Variants in PPARGC1B observed in about 807,000 individuals in gnomAD.
PPARGC1B encodes the protein peroxisome proliferator-activated receptor gamma coactivator 1-beta.
Under a neutral mutation model 101.6 loss-of-function variants are expected in PPARGC1B, and 34 were observed. The ratio of observed to expected loss-of-function variants is 0.33; its 90% CI spans 0.25 to 0.45. The LOEUF (loss-of-function observed/expected upper bound fraction) is 0.45, where lower values mean the gene tolerates loss of function less well. PPARGC1B is among the 20% of genes least tolerant of loss of function. The pLI is 1.00. For synonymous variants in PPARGC1B, 548 were observed against 539.3 expected (o/e 1.02, Z -0.22); for missense variants, 1,234 against 1,317.6 (o/e 0.94, Z 0.98).
chr5:149,846,053 C>T lies in PPARGC1B; in HGVS notation c.2971+139C>T, dbSNP rs1759543375. The stretch of plus-strand genomic sequence containing the variant: ...CACCCCAGTGTGCTGCTTGGTATAA[C>T]TTTGCAGCCACTTTGCCTGAAGACT... On this transcript the variant is annotated intron_variant, in intron 11 of 11. Transcript: ENST00000309241. 4.0e-6 allele frequency: 4 copies of T among 994,200 alleles called. No homozygotes were observed. In the African/African-American group the frequency reaches 4.8e-5, roughly 12 times the overall value. 61.6% of individuals were successfully genotyped at this position (994,200 alleles called of 1,614,324 possible). A position where few individuals can be genotyped will look rare whatever the true frequency, so the allele number is the denominator to read the frequency against.
chr5:149,839,067 C>G (rs1004958733), intron 8 of PPARGC1B, among the ~76,000 whole-genome samples: 1 of 152,146 alleles, frequency 6.6e-6, no homozygotes, highest in Non-Finnish European at 1.5e-5. Flanking sequence ...ACAGGTGCAC[C>G]TGGAGGTATC....
chr5:149,857,295 C>T (rs1759980846), downstream of PPARGC1B, among the ~76,000 whole-genome samples: 1 of 152,222 alleles, frequency 6.6e-6, no homozygotes, highest in South Asian at 2.1e-4. Context: ...TCAGCTCAGT[C>T]TCATTTGGTG....
At chr5:149,750,484 A>G (rs868648435) in intron 1 of PPARGC1B, among the ~76,000 whole-genome samples, 2 of 127,718 alleles carry the variant, frequency 1.6e-5, no homozygotes, top group Admixed American at 7.7e-5. Flanking sequence ...ATATATATAT[A>G]TATATGTTAA....
intron 1 of PPARGC1B, among the ~76,000 whole-genome samples, chr5:149,754,313 GC>G (rs1755427987): frequency 6.6e-6 from 1 of 151,942 alleles, no homozygotes; most frequent in Admixed American, 6.6e-5. Flanking sequence ...CTTCTTGCGT[GC>G]CCCCCTCCCC....
intron 1 of PPARGC1B, among the ~76,000 whole-genome samples, chr5:149,761,098 C>A (rs942116403): frequency 1.1e-4 from 16 of 152,110 alleles, no homozygotes; most frequent in Admixed American, 4.6e-4. Flanking sequence ...CTTTTTCCAG[C>A]TTTATTGAGG....
At chr5:149,830,055 G>GAAAAAAAAAAAAAAAA (rs71587791) in intron 3 of PPARGC1B, among the ~76,000 whole-genome samples, 3 of 89,816 alleles carry the variant, frequency 3.3e-5, no homozygotes, top group African/African-American at 4.4e-5. Flanking sequence ...AAAAAAAAAA[G>GAAAAAAAAAAAAAAAA]AAAAAAAAAA....
intron 1 of PPARGC1B, among the ~76,000 whole-genome samples, chr5:149,748,533 G>T (rs1420688768): frequency 1.3e-5 from 2 of 152,124 alleles, no homozygotes; most frequent in Non-Finnish European, 2.9e-5. Context: ...AGCAAGCCTT[G>T]CTCCCTGCCC....
chr5:149,796,180 G>C (rs11958378), intron 1 of PPARGC1B, among the ~76,000 whole-genome samples: 3,086 of 152,272 alleles, frequency 0.02, 116 homozygotes, highest in African/African-American at 0.071. Context: ...TGACGGAGTA[G>C]GGAGGGTGGT....
At chr5:149,784,560 C>CTTTTTTTTTTTTTTTTTTTTTT (rs72364863) in intron 1 of PPARGC1B, among the ~76,000 whole-genome samples, 4 of 75,704 alleles carry the variant, frequency 5.3e-5, no homozygotes, top group Admixed American at 2.0e-4. Flanking sequence ...AACTGAGTTT[C>CTTTTTTTTTTTTTTTTTTTTTT]TTTTTTTTTT....
Position 149,851,169 on chromosome 5 carries a change from G to A in PPARGC1B, c.*3611G>A, listed in dbSNP as rs30883. 0.13 allele frequency: 19,467 copies of A among 152,242 alleles called. 1,419 individuals carry two copies. Among genetic ancestry groups the A allele is most frequent in the South Asian group, 0.22 (1,041 of 4,806 alleles). The allele number at this position is 152,242 out of a possible 1,614,324, so 9.4% of individuals were successfully genotyped here. On this transcript the variant is annotated 3_prime_UTR_variant, in exon 12 of 12. Coordinates refer to ENST00000309241, the MANE Select transcript of PPARGC1B (RefSeq NM_133263.4). ...GACCCAGTACTCAAGTTCTGACGTG[G>A]GAGGAGATGCAGTGAGACGTCTCTT...
chr5:149,769,077 C>T (rs1487982635), intron 1 of PPARGC1B, among the ~76,000 whole-genome samples: 2 of 152,230 alleles, frequency 1.3e-5, no homozygotes, highest in Non-Finnish European at 2.9e-5. Context: ...ATCACTGCCT[C>T]AGCTCCACCT....
At position 149,769,155 on chromosome 5, in the gene PPARGC1B, A is replaced by G. The variant is rs1756028514; in HGVS notation, c.78+38735A>G. On this transcript the variant is annotated intron_variant, in intron 1 of 11. Transcript: ENST00000309241. ...AGATCTCTTGCATGTGCAGTTCACA[A>G]TAGGGGTTGTGCTCCTATGAGAATC... Among the ~76,000 whole-genome samples the G allele has an allele frequency of 4.6e-5, 7 of 152,234 alleles. No individual in the cohort carries two copies. The South Asian group carries it at 1.4e-3, about 31-fold the overall frequency.
intron 1 of PPARGC1B, among the ~76,000 whole-genome samples, chr5:149,792,943 A>G (rs898425051): frequency 3.3e-5 from 5 of 151,764 alleles, no homozygotes; most frequent in Non-Finnish European, 7.4e-5. Flanking sequence ...GATCCCACAA[A>G]AGAAGTTTGT....
At chr5:149,796,120 A>G (rs1237212189) in intron 1 of PPARGC1B, among the ~76,000 whole-genome samples, 1 of 152,208 alleles carries the variant, frequency 6.6e-6, no homozygotes, top group African/African-American at 2.4e-5. Flanking sequence ...CATTTCAGAC[A>G]GTGATGTAGA....
intron 1 of PPARGC1B, among the ~76,000 whole-genome samples, chr5:149,818,398 G>A (rs1182885486): frequency 6.6e-6 from 1 of 152,174 alleles, no homozygotes; most frequent in Non-Finnish European, 1.5e-5. Flanking sequence ...TGGTGGGCAG[G>A]GTGGTGGGGC....
intron 1 of PPARGC1B, among the ~76,000 whole-genome samples, chr5:149,770,260 C>A (rs1051000291): frequency 7.9e-5 from 12 of 152,164 alleles, no homozygotes; most frequent in African/African-American, 2.9e-4. Context: ...AGTCTGGAAG[C>A]CTTCCTCTCT....
intron 2 of PPARGC1B, 147 bp downstream of exon 2, chr5:149,820,753 G>T: frequency 1.3e-6 from 1 of 789,944 alleles, no homozygotes. Flanking sequence ...CCGGTTTCTC[G>T]TGCTGGATGG....
chr5:149,799,320 G>A (rs1450208009), intron 1 of PPARGC1B, among the ~76,000 whole-genome samples: 1 of 152,190 alleles, frequency 6.6e-6, no homozygotes, highest in Non-Finnish European at 1.5e-5. Context: ...TCCAGGAGCT[G>A]AATTTACCCT....
intron 1 of PPARGC1B, among the ~76,000 whole-genome samples, chr5:149,769,528 C>T (rs896969693): frequency 5.3e-5 from 8 of 152,182 alleles, no homozygotes; most frequent in African/African-American, 1.4e-4. Flanking sequence ...AGAGACACCC[C>T]CTACTCCCCG....
Sources: allele counts gnomAD v4.1 joint callset (sites outside exome capture counted in the v4.1 genomes callset), GRCh38; gene constraint gnomAD v4.1.1; transcripts MANE v1.5; gene names NCBI Gene and HGNC (gene_info 2026-07-23, HGNC 2026-07-21).